The following LRRC56 variants were observed in gnomAD, a reference collection of about 807,000 sequenced individuals.
LRRC56 encodes the protein leucine rich repeat containing 56, also known as leucine-rich repeat-containing protein 56.
LRRC56 carries 41 observed loss-of-function variants against 47.8 expected under a neutral mutation model. That is an observed-to-expected ratio of 0.86 (90% CI 0.67 to 1.11). The LOEUF (loss-of-function observed/expected upper bound fraction) is 1.11. Ranked by LOEUF, LRRC56 falls within the 50% of genes most tolerant of loss-of-function variation. The pLI, the probability that LRRC56 is intolerant of heterozygous loss-of-function variation, is 0.00. For missense variants in LRRC56, 759 were observed against 704.2 expected, an observed-to-expected ratio of 1.08 and a Z score of -0.88; for synonymous variants, 387 against 311.2, an observed-to-expected ratio of 1.24 and a Z score of -2.56.
chr11:548,118 T>C (rs1242667530), intron 6 of LRRC56, among the ~76,000 whole-genome samples: 1 of 151,180 alleles, frequency 6.6e-6, no homozygotes, highest in Non-Finnish European at 1.5e-5. Context: ...AGAGACTCCA[T>C]CTCAAAAAAA....
Position 550,281 on chromosome 11 carries a change from C to G in LRRC56, c.624+9C>G. 6.5e-7 allele frequency: 1 copy of G among 1,538,934 alleles called. No homozygotes were observed. The highest frequency in any genetic ancestry group is 1.2e-5 in the South Asian group (1 of 82,206). ...CTGGCCCCACCAACAAGGTGCGTGT[C>G]CCGGGCACCCGGCCAGCATGTGCAT... On this transcript the variant is annotated intron_variant, in intron 8 of 13. Coordinates refer to ENST00000270115, the MANE Select transcript of LRRC56 (RefSeq NM_198075.4).
At chr11:518,322 C>G in the LRRC56 span, among the ~76,000 whole-genome samples, 38 of 152,110 alleles carry the variant, frequency 2.5e-4, no homozygotes, top group African/African-American at 8.0e-4. Flanking sequence ...GCTGGGACTA[C>G]AGGTGCCCGC....
At chr11:534,071 G>A (rs749804952), upstream of LRRC56, 46 of 1,210,134 alleles carry the variant, frequency 3.8e-5, no homozygotes, top group Non-Finnish European at 5.2e-5. Flanking sequence ...TGAGACGAGG[G>A]ACTCCCCTCC....
chr11:516,831 C>T, the LRRC56 span, among the ~76,000 whole-genome samples: 1 of 152,248 alleles, frequency 6.6e-6, no homozygotes, highest in East Asian at 1.9e-4. Context: ...GCTTATAAAG[C>T]TTTTTAATTA....
the LRRC56 span, among the ~76,000 whole-genome samples, chr11:507,496 C>T: frequency 6.6e-6 from 1 of 152,098 alleles, no homozygotes; most frequent in Non-Finnish European, 1.5e-5. Context: ...GGCGCGGGCG[C>T]GTGTGCGTGT....
upstream of LRRC56, among the ~76,000 whole-genome samples, chr11:534,762 G>A (rs1185700961): frequency 1.3e-5 from 2 of 152,238 alleles, no homozygotes; most frequent in Non-Finnish European, 2.9e-5. Context: ...GGCGTGCCCG[G>A]GCAGGCTAGT....
At chr11:518,439 G>C in the LRRC56 span, among the ~76,000 whole-genome samples, 1 of 151,968 alleles carries the variant, frequency 6.6e-6, no homozygotes, top group Non-Finnish European at 1.5e-5. Context: ...CCTCGGCCTC[G>C]CAAAGTGCTT....
At chr11:534,512 G>A (rs937690741), upstream of LRRC56, 295 of 605,794 alleles carry the variant, frequency 4.9e-4, 1 homozygote, top group East Asian at 8.0e-3. Context: ...ACTGCAGCGT[G>A]CCTACCTGTG....
chr11:545,005 G>A (rs915402798), intron 6 of LRRC56, among the ~76,000 whole-genome samples: 11 of 152,076 alleles, frequency 7.2e-5, no homozygotes, highest in Admixed American at 4.6e-4. Flanking sequence ...GCAGGTGTGA[G>A]GGGGTCTCTG....
At chr11:531,175 G>C in the LRRC56 span, among the ~76,000 whole-genome samples, 788 of 149,278 alleles carry the variant, frequency 5.3e-3, 19 homozygotes, top group African/African-American at 0.019. Context: ...AGAGAAGGGC[G>C]AGTGTGGTGT....
chr11:525,300 G>A, the LRRC56 span, among the ~76,000 whole-genome samples: 2 of 151,732 alleles, frequency 1.3e-5, no homozygotes, highest in East Asian at 3.9e-4. Context: ...AGCACTTTGG[G>A]AGGCCAAGGC....
the LRRC56 span, among the ~76,000 whole-genome samples, chr11:513,158 C>T: frequency 3.3e-5 from 5 of 152,214 alleles, no homozygotes; most frequent in African/African-American, 9.6e-5. Flanking sequence ...GTTTTTCTTT[C>T]GAGACAGTCT....
upstream of LRRC56, chr11:535,159 G>T (rs2134000225): frequency 1.3e-5 from 2 of 152,202 alleles, no homozygotes; most frequent in East Asian, 3.9e-4. Flanking sequence ...CCGGCGTGGG[G>T]ACCGTGCCCA....
At chr11:515,574 A>C in the LRRC56 span, among the ~76,000 whole-genome samples, 8 of 152,192 alleles carry the variant, frequency 5.3e-5, no homozygotes, top group Non-Finnish European at 1.2e-4. Flanking sequence ...CACAGTGCTC[A>C]CACCTGTAAT....
Position 551,112 on chromosome 11 carries a change from C to A in LRRC56, c.625-19C>A. On this transcript the variant is annotated intron_variant, in intron 8 of 13. Coordinates refer to ENST00000270115, the MANE Select transcript of LRRC56 (RefSeq NM_198075.4). ...TGGACCCAGACCTGCCCTCCCTCCC[C>A]CTCCCCCTCCCCCTGCAGGTGCCCA... is the stretch of plus-strand genomic sequence containing the variant. 1.4e-6 allele frequency: 2 copies of A among 1,387,682 alleles called. No homozygotes were observed. The highest frequency in any genetic ancestry group is 2.8e-5 in the East Asian group (1 of 35,466). 86.0% of individuals were successfully genotyped at this position (1,387,682 alleles called of 1,614,324 possible). A position where few individuals can be genotyped will look rare whatever the true frequency, so the allele number is the denominator to read the frequency against.
chr11:546,461 G>A (rs1035806532), intron 6 of LRRC56, among the ~76,000 whole-genome samples: 6 of 151,768 alleles, frequency 4.0e-5, no homozygotes, highest in African/African-American at 9.7e-5. Flanking sequence ...CCAGCTACTC[G>A]GGAGGCTGAG....
At chr11:533,382 G>A (rs763202641), upstream of LRRC56, 6 of 1,603,992 alleles carry the variant, frequency 3.7e-6, no homozygotes, top group Admixed American at 1.7e-5. Context: ...GAGGGTCAGT[G>A]AGTGCTGCTC....
chr11:551,697 C>G lies in LRRC56; in HGVS notation c.843C>G (p.Ser281=), dbSNP rs1165331818. 1.2e-6 allele frequency: 2 copies of G among 1,609,740 alleles called. No individual in the cohort carries two copies. The highest frequency in any genetic ancestry group is 4.5e-5 in the East Asian group (2 of 44,852). The part of the protein sequence containing the change: ...APIRRLDPEL[S]LPETQSRASR... ...TCCGGAGACTTGACCCCGAGCTGTC[C>G]CTGCCTGAGACGCAGTCCCGGGCCT... The change falls in exon 10 of 14, where the codon TCC becomes TCG. Residue 281 remains serine (S), a synonymous_variant. Transcript: ENST00000270115.
In LRRC56 at chr11:551,890, C is replaced by T. The variant is rs1378794914; in HGVS notation, c.974-13C>T. On this transcript the variant is annotated splice_polypyrimidine_tract_variant and intron_variant, in intron 10 of 13. Coordinates refer to ENST00000270115, the MANE Select transcript of LRRC56 (RefSeq NM_198075.4). Reference sequence around the variant, plus strand: ...CGGCCCCGAACCAGGCCCAGCCATGCTGTCTCTTGCAGGTGCTGGCCAAGT... The same window carrying T: ...CGGCCCCGAACCAGGCCCAGCCATGTTGTCTCTTGCAGGTGCTGGCCAAGT... 3 of 1,612,504 alleles carry T rather than the reference C, an allele frequency of 1.9e-6. No individual in the cohort carries two copies. Among genetic ancestry groups the T allele is most frequent in the South Asian group, 2.2e-5 (2 of 91,068 alleles).
Sources: allele counts gnomAD v4.1 joint callset (sites outside exome capture counted in the v4.1 genomes callset), GRCh38; gene constraint gnomAD v4.1.1; transcripts MANE v1.5; gene names NCBI Gene and HGNC (gene_info 2026-07-23, HGNC 2026-07-21).